Variants in KSR2 observed in about 807,000 individuals in gnomAD.
KSR2 encodes the protein kinase suppressor of ras 2.
A neutral mutation model predicts 107.8 loss-of-function variants in KSR2; 25 were observed. That is an observed-to-expected ratio of 0.23 (90% CI 0.17 to 0.32). The LOEUF (loss-of-function observed/expected upper bound fraction) is 0.32, where lower values mean the gene tolerates loss of function less well. Among genes scored for constraint, KSR2 ranks in the 10% least tolerant of loss-of-function variants. The pLI is 1.00. For synonymous variants in KSR2, 480 were observed against 507.0 expected (o/e 0.95, Z 0.71); for missense variants, 887 against 1,268.9 (o/e 0.70, Z 4.57).
intron 3 of KSR2, among the ~76,000 whole-genome samples, chr12:117,763,418 C>A (rs1411697388): frequency 6.6e-6 from 1 of 152,148 alleles, no homozygotes; most frequent in South Asian, 2.1e-4. Context: ...GGTCTAAAGA[C>A]ACAGATTCTC....
At chr12:117,960,010 C>T (rs144795605) in intron 1 of KSR2, among the ~76,000 whole-genome samples, 36 of 152,066 alleles carry the variant, frequency 2.4e-4, no homozygotes, top group African/African-American at 8.2e-4. Context: ...TCTCCCACTG[C>T]GTCCCTCTTC....
intron 4 of KSR2, among the ~76,000 whole-genome samples, chr12:117,735,172 G>C (rs1409577571): frequency 7.2e-5 from 11 of 152,298 alleles, no homozygotes; most frequent in Admixed American, 6.5e-4. Context: ...CGTTGGCCCT[G>C]CAAGGAATTG....
intron 4 of KSR2, among the ~76,000 whole-genome samples, chr12:117,689,059 C>G (rs142882990): frequency 1.2e-3 from 188 of 152,328 alleles, no homozygotes; most frequent in African/African-American, 4.2e-3. Context: ...TCAGTGTAAA[C>G]TCTTCCAACT....
chr12:117,544,445 C>G (rs1172951832), intron 9 of KSR2, among the ~76,000 whole-genome samples: 1 of 151,950 alleles, frequency 6.6e-6, no homozygotes, highest in Non-Finnish European at 1.5e-5. Context: ...TAGTGAAACC[C>G]CATCTCTACT....
chr12:117,531,990 G>C (rs1875669243), intron 10 of KSR2, among the ~76,000 whole-genome samples: 1 of 152,038 alleles, frequency 6.6e-6, no homozygotes, highest in East Asian at 1.9e-4. Context: ...TTTGTGAAAT[G>C]CATAATTACA....
intron 1 of KSR2, among the ~76,000 whole-genome samples, chr12:117,923,067 G>T (rs1895392576): frequency 1.3e-5 from 2 of 152,130 alleles, no homozygotes; most frequent in Admixed American, 1.3e-4. Context: ...CCCCCGGTTA[G>T]TGATAAAGTG....
Position 117,465,532 on chromosome 12 carries a change from C to G in KSR2, c.*1667G>C, listed in dbSNP as rs1055737659. 6.6e-6 allele frequency: 1 copy of G among 152,184 alleles called. No individual in the cohort carries two copies. The highest frequency in any genetic ancestry group is 1.5e-5 in the Non-Finnish European group (1 of 68,068). The allele number at this position is 152,184 out of a possible 1,614,324, so 9.4% of individuals were successfully genotyped here. ...CCCGGTTTGGAAGCAGGTTTGGCCC[C>G]CAGAGCATGAACCAGTCTGGGAGTC... On this transcript the variant is annotated 3_prime_UTR_variant, in exon 20 of 20. Transcript: ENST00000339824.
chr12:117,560,495 T>C (rs1005331093), intron 7 of KSR2, among the ~76,000 whole-genome samples: 3 of 152,122 alleles, frequency 2.0e-5, no homozygotes, highest in African/African-American at 4.8e-5. Flanking sequence ...TCCAATTCTC[T>C]TTCAATCTGA....
intron 5 of KSR2, among the ~76,000 whole-genome samples, chr12:117,602,882 C>T (rs1881033463): frequency 6.6e-6 from 1 of 152,178 alleles, no homozygotes; most frequent in Non-Finnish European, 1.5e-5. Flanking sequence ...AGCACCCTCC[C>T]TCTAGGCCCA....
At chr12:117,512,062 A>G (rs1161565037) in intron 14 of KSR2, among the ~76,000 whole-genome samples, 1 of 152,260 alleles carries the variant, frequency 6.6e-6, no homozygotes, top group Admixed American at 6.5e-5. Flanking sequence ...CTGGAAATGT[A>G]CATGGTATGC....
chr12:117,919,685 T>C (rs1243489777), intron 1 of KSR2, among the ~76,000 whole-genome samples: 4 of 152,312 alleles, frequency 2.6e-5, no homozygotes, highest in African/African-American at 9.6e-5. Context: ...TTCTGGGCAA[T>C]GAATCATGAA....
Position 117,610,387 on chromosome 12 carries a change from A to T in KSR2, c.1172-28028T>A, listed in dbSNP as rs1476369391. Among the ~76,000 whole-genome samples the T allele has an allele frequency of 2.6e-5, 4 of 152,206 alleles. No individual in the cohort carries two copies. In the East Asian group the frequency reaches 7.7e-4, roughly 29 times the overall value. On this transcript the variant is annotated intron_variant, in intron 5 of 19. Coordinates refer to ENST00000339824, the MANE Select transcript of KSR2 (RefSeq NM_173598.6). Reference sequence around the variant, plus strand: ...GAAAACAACCCAAATTTCAAACAATAAAAGAATGAGTAATAACACACAGGG... The same window carrying T: ...GAAAACAACCCAAATTTCAAACAATTAAAGAATGAGTAATAACACACAGGG...
chr12:117,618,048 C>CTTTTTAT (rs1881978827), intron 5 of KSR2, among the ~76,000 whole-genome samples: 1 of 152,130 alleles, frequency 6.6e-6, no homozygotes, highest in Non-Finnish European at 1.5e-5. Context: ...CCTAATATTT[C>CTTTTTAT]TGGTAACTTT....
At chr12:117,619,694 TAAC>T (rs1208127314) in intron 5 of KSR2, among the ~76,000 whole-genome samples, 2 of 151,254 alleles carry the variant, frequency 1.3e-5, no homozygotes, top group Non-Finnish European at 3.0e-5. Flanking sequence ...AAAATACTAA[TAAC>T]AACACACACA....
chr12:117,527,279 C>T (rs901156474), intron 12 of KSR2, among the ~76,000 whole-genome samples, 160 bp from the exon 13 acceptor site: 13 of 132,152 alleles, frequency 9.8e-5, no homozygotes, highest in Admixed American at 6.2e-4. Flanking sequence ...TCCATAACCT[C>T]GACACACACA....
intron 5 of KSR2, among the ~76,000 whole-genome samples, chr12:117,641,651 C>T (rs1349188187): frequency 3.3e-5 from 5 of 152,188 alleles, no homozygotes; most frequent in African/African-American, 1.2e-4. Flanking sequence ...TGCAAGGACC[C>T]CGTTTCCAAA....
Position 117,462,362 on chromosome 12 carries a change from G to C in KSR2, c.*4837C>G, listed in dbSNP as rs1201877710. Reference sequence around the variant, plus strand: ...TTAAGATGAGGTCATACTGAAATAGGGTGGGCCCTTAATCCAATGTGACTC... The same window carrying C: ...TTAAGATGAGGTCATACTGAAATAGCGTGGGCCCTTAATCCAATGTGACTC... On this transcript the variant is annotated 3_prime_UTR_variant, in exon 20 of 20. Transcript: ENST00000339824. 1 of 151,504 alleles carries C rather than the reference G, an allele frequency of 6.6e-6. No individual in the cohort carries two copies. The highest frequency in any genetic ancestry group is 1.5e-5 in the Non-Finnish European group (1 of 67,942). 9.4% of individuals were successfully genotyped at this position (151,504 alleles called of 1,614,324 possible).
At chr12:117,783,450 C>T (rs1349881416) in intron 3 of KSR2, among the ~76,000 whole-genome samples, 1 of 152,152 alleles carries the variant, frequency 6.6e-6, no homozygotes, top group African/African-American at 2.4e-5. Flanking sequence ...ATAGTGTCAC[C>T]CACCTCATAG....
intron 3 of KSR2, among the ~76,000 whole-genome samples, chr12:117,848,834 A>AACAACGGTGATGGTGGTG (rs1555249461): frequency 2.2e-5 from 3 of 133,724 alleles, no homozygotes; most frequent in African/African-American, 5.3e-5. Context: ...TGATGGTGGT[A>AACAACGGTGATGGTGGTG]GTGGTGGTGA....
Sources: gnomAD v4.1 joint callset for allele counts (sites outside exome capture counted in the v4.1 genomes callset) on GRCh38, gnomAD v4.1.1 for gene constraint, MANE v1.5 for transcripts, NCBI Gene and HGNC (gene_info 2026-07-23, HGNC 2026-07-21) for gene names.